Variants in TTLL3 observed in about 807,000 individuals in gnomAD.
The protein encoded by TTLL3 is tubulin monoglycylase TTLL3.
A neutral mutation model predicts 75.2 loss-of-function variants in TTLL3; 63 were observed. The observed-to-expected ratio is 0.84, with a 90% confidence interval of 0.68 to 1.03. The LOEUF is 1.03. Among genes scored for constraint, TTLL3 ranks in the 50% least tolerant of loss-of-function variants. TTLL3 has a pLI of 0.00. For synonymous variants in TTLL3, 393 were observed against 418.5 expected (o/e 0.94, Z 0.74); for missense variants, 997 against 1,069.9 (o/e 0.93, Z 0.95).
At chr3:9,834,112 C>CAA (rs34679102) in intron 12 of TTLL3, 1,999 of 130,024 alleles carry the variant, frequency 0.015, 1 homozygote, top group South Asian at 0.024. Flanking sequence ...AACTCTGTCT[C>CAA]AAAAAAAAAA....
At chr3:9,818,714 T>C in intron 6 of TTLL3, 108 bp from the exon 7 acceptor site, 1 of 1,582,128 alleles carries the variant, frequency 6.3e-7, no homozygotes, top group Non-Finnish European at 8.6e-7. Context: ...TCAGAAAAGG[T>C]AGAGTCAGGT....
intron 6 of TTLL3, 119 bp downstream of exon 6, chr3:9,817,878 A>T (rs2125705324): frequency 7.5e-7 from 1 of 1,336,730 alleles, no homozygotes. Flanking sequence ...GCCCCAGCAG[A>T]TTTCCCTTTC....
intron 5 of TTLL3, 107 bp downstream of exon 5, chr3:9,816,309 G>A (rs1474392452): frequency 1.7e-6 from 2 of 1,190,066 alleles, no homozygotes; most frequent in African/African-American, 1.6e-5. Flanking sequence ...CTCAGGACAA[G>A]GGGAAGTATA....
rs747219832 is a variant in TTLL3, at chr3:9,835,406, T to C, written c.2365T>C (p.Leu789=). Residue 789 remains leucine (L), a synonymous_variant, in exon 14 of 14, where the codon TTG becomes CTG. Coordinates refer to ENST00000685419, the MANE Select transcript of TTLL3 (RefSeq NM_001387446.1). Reference sequence around the variant, plus strand: ...AAATAAAAAGAAACAAGTGAAGTATTTGGGGCTTGACTCCATTGCTGTTGG... The same window carrying C: ...AAATAAAAAGAAACAAGTGAAGTATCTGGGGCTTGACTCCATTGCTGTTGG... The part of the protein sequence containing the change: ...TPNKKKQVKY[L]GLDSIAVGGS... The C allele has an allele frequency of 6.2e-7, 1 of 1,613,072 alleles. No homozygotes were observed. Among genetic ancestry groups the C allele is most frequent in the South Asian group, 1.1e-5 (1 of 91,048 alleles).
Sources: allele counts gnomAD v4.1 joint callset, GRCh38; gene constraint gnomAD v4.1.1; transcripts MANE v1.5; gene names NCBI Gene and HGNC (gene_info 2026-07-23, HGNC 2026-07-21).